The following CNTNAP2 variants were observed in gnomAD, a reference collection of about 807,000 sequenced individuals.
CNTNAP2 encodes contactin associated protein 2.
A neutral mutation model predicts 155.2 loss-of-function variants in CNTNAP2; 98 were observed. The observed-to-expected ratio is 0.63, with a 90% CI of 0.54 to 0.75. The LOEUF (loss-of-function observed/expected upper bound fraction) is 0.75. Ranked by LOEUF, CNTNAP2 falls within the 30% of genes least tolerant of loss-of-function variation. CNTNAP2 has a pLI of 0.00. For synonymous variants in CNTNAP2, 651 were observed against 631.2 expected, an observed-to-expected ratio of 1.03 and a Z score of -0.47; for missense variants, 1,727 against 1,688.1, an observed-to-expected ratio of 1.02 and a Z score of -0.40.
chr7:147,068,326 A>G (rs1312277245), intron 4 of CNTNAP2, among the ~76,000 whole-genome samples: 1 of 151,762 alleles, frequency 6.6e-6, no homozygotes, highest in Non-Finnish European at 1.5e-5. Context: ...ACAAGATTAA[A>G]CTCCATAATA....
intron 1 of CNTNAP2, among the ~76,000 whole-genome samples, chr7:146,281,289 A>G (rs1800247564): frequency 1.3e-5 from 2 of 152,218 alleles, no homozygotes; most frequent in African/African-American, 4.8e-5. Flanking sequence ...TTTCATTTTA[A>G]TAAAGGTTGA....
In CNTNAP2 at chr7:147,263,137, A is replaced by G. The variant is rs557758559; in HGVS notation, c.1349-37004A>G. ...TGAGGCAGGTGGATTGCTTTGGCCC[A>G]GGAGTTTAAGACCAGCCTGGGCAAT... On this transcript the variant is annotated intron_variant, in intron 8 of 23. Coordinates refer to ENST00000361727, the MANE Select transcript of CNTNAP2 (RefSeq NM_014141.6). Among the ~76,000 whole-genome samples, 7 of 152,214 alleles carry G rather than the reference A, an allele frequency of 4.6e-5. No homozygotes were observed. In the South Asian group the frequency reaches 1.5e-3, roughly 32 times the overall value.
chr7:148,330,557 A>G (rs1797974123), intron 21 of CNTNAP2, among the ~76,000 whole-genome samples: 2 of 147,176 alleles, frequency 1.4e-5, no homozygotes, highest in South Asian at 4.4e-4. Context: ...GCACGGATGG[A>G]TAGAGTGGAT....
chr7:147,185,713 A>C (rs1021721564), intron 8 of CNTNAP2, among the ~76,000 whole-genome samples: 3 of 152,276 alleles, frequency 2.0e-5, no homozygotes, highest in African/African-American at 2.4e-5. Flanking sequence ...AACACTATGC[A>C]ATGATGTGGT....
chr7:147,211,186 A>G (rs1803138101), intron 8 of CNTNAP2, among the ~76,000 whole-genome samples: 2 of 151,892 alleles, frequency 1.3e-5, no homozygotes, highest in Admixed American at 6.6e-5. Context: ...AGAATTTCTT[A>G]GTTTTATTCC....
At chr7:148,129,268 C>T (rs1804776918) in intron 16 of CNTNAP2, among the ~76,000 whole-genome samples, 1 of 152,164 alleles carries the variant, frequency 6.6e-6, no homozygotes, top group South Asian at 2.1e-4. Flanking sequence ...AGAAAGTAAA[C>T]ATCAGAGGCA....
rs1230974776 is a variant in CNTNAP2 at position 147,113,025 on chromosome 7, T to C, written c.754+4675T>C. Among the ~76,000 whole-genome samples, 4 of 152,206 alleles carry C rather than the reference T, an allele frequency of 2.6e-5. No individual in the cohort carries two copies. In the East Asian group the frequency reaches 7.7e-4, roughly 29 times the overall value. On this transcript the variant is annotated intron_variant, in intron 5 of 23. Transcript: ENST00000361727. ...TGAGTCTGTCTCGTCCTGGGCTTTTTCTGGTTGGTAGGCTATTTATTACTG... is the reference window on the plus strand; with the variant it reads ...TGAGTCTGTCTCGTCCTGGGCTTTTCCTGGTTGGTAGGCTATTTATTACTG...
intron 1 of CNTNAP2, among the ~76,000 whole-genome samples, chr7:146,373,722 A>G (rs1454867057): frequency 6.6e-6 from 1 of 152,154 alleles, no homozygotes; most frequent in Non-Finnish European, 1.5e-5. Flanking sequence ...AGACTGACAG[A>G]CATCAGTCTC....
chr7:146,668,390 G>A (rs779904698), intron 1 of CNTNAP2, among the ~76,000 whole-genome samples: 33 of 150,834 alleles, frequency 2.2e-4, no homozygotes, highest in Admixed American at 7.3e-4. Flanking sequence ...TGAAGATTTT[G>A]CATCTGTATT....
chr7:146,339,016 C>A (rs1563045358), intron 1 of CNTNAP2, among the ~76,000 whole-genome samples: 1 of 152,044 alleles, frequency 6.6e-6, no homozygotes, highest in Non-Finnish European at 1.5e-5. Context: ...AACCCCTTCT[C>A]TAATAAAAAA....
chr7:148,297,368 T>TAGG (rs879338703), intron 21 of CNTNAP2, among the ~76,000 whole-genome samples: 2 of 152,176 alleles, frequency 1.3e-5, no homozygotes, highest in Admixed American at 6.5e-5. Flanking sequence ...TCCAAGACTG[T>TAGG]AGGGCTCACA....
intron 21 of CNTNAP2, among the ~76,000 whole-genome samples, chr7:148,314,033 C>T (rs1283071391): frequency 1.3e-5 from 2 of 152,104 alleles, no homozygotes; most frequent in African/African-American, 2.4e-5. Flanking sequence ...AACTGTAAGC[C>T]GGACTGGGTG....
chr7:146,854,644 G>C (rs991868901), intron 3 of CNTNAP2, among the ~76,000 whole-genome samples: 3 of 152,068 alleles, frequency 2.0e-5, no homozygotes, highest in Non-Finnish European at 4.4e-5. Flanking sequence ...ATAAGTACAC[G>C]GGATCTACTC....
At position 146,275,435 on chromosome 7, in the gene CNTNAP2, T is replaced by C. The variant is rs550707673; in HGVS notation, c.97+158462T>C. Among the ~76,000 whole-genome samples the C allele has an allele frequency of 2.0e-3, 308 of 152,248 alleles. 3 individuals are homozygous for C. Among genetic ancestry groups the C allele is most frequent in the African/African-American group, 7.0e-3 (289 of 41,550 alleles). ...TCAACTTTAACATAAATAAAAACAC[T>C]TAAAATAGAAGGGTATTGATATAAA... On this transcript the variant is annotated intron_variant, in intron 1 of 23. Coordinates refer to ENST00000361727, the MANE Select transcript of CNTNAP2 (RefSeq NM_014141.6).
At chr7:148,307,013 C>T (rs12673933) in intron 21 of CNTNAP2, among the ~76,000 whole-genome samples, 93,918 of 151,848 alleles carry the variant, frequency 0.62, 30,395 homozygotes, top group East Asian at 0.75. Context: ...TTGTCTTGGG[C>T]TGATTGAAAG....
At chr7:147,332,231 T>C (rs1255708157) in intron 9 of CNTNAP2, among the ~76,000 whole-genome samples, 2 of 152,088 alleles carry the variant, frequency 1.3e-5, no homozygotes, top group Non-Finnish European at 2.9e-5. Context: ...ATATGTACTA[T>C]GATGCGCTCT....
chr7:146,964,926 T>C (rs571845946), intron 3 of CNTNAP2, among the ~76,000 whole-genome samples: 9 of 137,616 alleles, frequency 6.5e-5, no homozygotes, highest in South Asian at 4.7e-4. Context: ...ATGTAGAACA[T>C]TGTGTTGAGA....
At chr7:147,953,736 T>C (rs1035653497) in intron 14 of CNTNAP2, among the ~76,000 whole-genome samples, 1 of 152,124 alleles carries the variant, frequency 6.6e-6, no homozygotes, top group Non-Finnish European at 1.5e-5. Context: ...AGCAGGGCCA[T>C]GATCTCTCTC....
intron 9 of CNTNAP2, among the ~76,000 whole-genome samples, chr7:147,383,833 G>A (rs1796582073): frequency 6.6e-6 from 1 of 151,784 alleles, no homozygotes; most frequent in South Asian, 2.1e-4. Context: ...GAATATACTA[G>A]AAAAAGAAAA....
Sources: gnomAD v4.1 joint callset for allele counts (sites outside exome capture counted in the v4.1 genomes callset) on GRCh38, gnomAD v4.1.1 for gene constraint, MANE v1.5 for transcripts, NCBI Gene and HGNC (gene_info 2026-07-23, HGNC 2026-07-21) for gene names.